ST18: variants seen among roughly 807,000 people sequenced by gnomAD.
The protein encoded by ST18 is suppression of tumorigenicity 18 protein.
A neutral mutation model predicts 110.0 loss-of-function variants in ST18; 50 were observed. The ratio of observed to expected loss-of-function variants is 0.45; its 90% confidence interval spans 0.36 to 0.58. The LOEUF (loss-of-function observed/expected upper bound fraction) is 0.58, where lower values mean the gene tolerates loss of function less well. Ranked by LOEUF, ST18 falls within the 20% of genes least tolerant of loss-of-function variation. The probability of loss-of-function intolerance (pLI) is 0.00; values close to 1 mark genes in which losing one functional copy is unlikely to be tolerated. For synonymous variants in ST18, 461 were observed against 452.4 expected (o/e 1.02, Z -0.24); for missense variants, 1,306 against 1,280.1 (o/e 1.02, Z -0.31).
chr8:52,402,534 G>A (rs748600957), intron 2 of ST18, among the ~76,000 whole-genome samples: 3 of 152,148 alleles, frequency 2.0e-5, no homozygotes, highest in Non-Finnish European at 2.9e-5. Flanking sequence ...TGTTCTAGAC[G>A]CTCAGTCCCC....
In ST18 at chr8:52,295,228, G is replaced by A. The variant is rs199625933; in HGVS notation, c.-464-65151C>T. 5.3e-5 allele frequency among the ~76,000 whole-genome samples: 8 copies of A among 152,308 alleles called. No homozygotes were observed. In the East Asian group the frequency reaches 1.5e-3, roughly 29 times the overall value. On this transcript the variant is annotated intron_variant, in intron 2 of 25. Transcript: ENST00000689386. ...GACTTAGATTGGAAATCAAAGATTG[G>A]TTGTATACAGGTAATAGAGTGCTTG...
intron 2 of ST18, among the ~76,000 whole-genome samples, chr8:52,252,744 T>C (rs2094375677): frequency 6.6e-6 from 1 of 152,042 alleles, no homozygotes; most frequent in South Asian, 2.1e-4. Context: ...GAGAAATCTA[T>C]ATTAATCTAA....
At chr8:52,248,703 T>G (rs1406402273) in intron 2 of ST18, among the ~76,000 whole-genome samples, 1 of 152,166 alleles carries the variant, frequency 6.6e-6, no homozygotes, top group Non-Finnish European at 1.5e-5. Flanking sequence ...AGCTTTGATT[T>G]TTTCCCAAGT....
intron 2 of ST18, among the ~76,000 whole-genome samples, chr8:52,385,161 A>G (rs915659485): frequency 6.6e-6 from 1 of 152,202 alleles, no homozygotes; most frequent in Non-Finnish European, 1.5e-5. Context: ...TGAACTAGAA[A>G]TACAGAATGT....
chr8:52,285,541 A>T, intron 2 of ST18, among the ~76,000 whole-genome samples: 1 of 152,204 alleles, frequency 6.6e-6, no homozygotes, highest in South Asian at 2.1e-4. Flanking sequence ...TGTTGTGTGG[A>T]GAGCAAAAGG....
chr8:52,402,058 A>C (rs1292877398), intron 2 of ST18, among the ~76,000 whole-genome samples: 1 of 152,158 alleles, frequency 6.6e-6, no homozygotes, highest in Non-Finnish European at 1.5e-5. Context: ...GCTGTGATTA[A>C]TATCAGCAAT....
intron 2 of ST18, among the ~76,000 whole-genome samples, chr8:52,316,667 C>T (rs16917664): frequency 0.14 from 21,483 of 152,178 alleles, 1,844 homozygotes; most frequent in African/African-American, 0.25. Context: ...TTTCCTAAGT[C>T]ACTATCACCT....
chr8:52,142,611 C>T (rs143001157), intron 17 of ST18, among the ~76,000 whole-genome samples: 1 of 152,266 alleles, frequency 6.6e-6, no homozygotes, highest in African/African-American at 2.4e-5. Context: ...GCCCAAATAA[C>T]AATTTGCATC....
At chr8:52,163,529 T>G (rs1202179187) in intron 13 of ST18, among the ~76,000 whole-genome samples, 1 of 152,136 alleles carries the variant, frequency 6.6e-6, no homozygotes. Context: ...ATGGAATGAA[T>G]TTTTGTTTTA....
In ST18 at chr8:52,409,339, G is replaced by C. The variant is rs945675679; in HGVS notation, c.-476C>G. The stretch of plus-strand genomic sequence containing the variant: ...ATATTTTTTCTTACCTTTACCTGGC[G>C]AACGTCTACAGGTGTGTCGAAAGTT... On this transcript the variant is annotated 5_prime_UTR_variant, in exon 2 of 26. Transcript: ENST00000689386. 1.3e-5 allele frequency: 2 copies of C among 152,200 alleles called. No individual in the cohort carries two copies. Among genetic ancestry groups the C allele is most frequent in the East Asian group, 3.8e-4 (2 of 5,204 alleles). The allele number at this position is 152,200 out of a possible 1,614,324, so 9.4% of individuals were successfully genotyped here.
intron 2 of ST18, among the ~76,000 whole-genome samples, chr8:52,372,967 G>C (rs1363115844): frequency 6.6e-6 from 1 of 152,150 alleles, no homozygotes; most frequent in Non-Finnish European, 1.5e-5. Flanking sequence ...TTAAAACACC[G>C]TGAAAAGTTT....
At chr8:52,355,860 C>A (rs1264439319) in intron 2 of ST18, among the ~76,000 whole-genome samples, 1 of 152,182 alleles carries the variant, frequency 6.6e-6, no homozygotes, top group African/African-American at 2.4e-5. Context: ...ACAAATGGAA[C>A]AGGGCTTGCC....
In ST18 at chr8:52,180,150, G is replaced by A. The variant is rs1429653928; in HGVS notation, c.249C>T (p.Pro83=). 4 of 1,613,960 alleles carry A rather than the reference G, an allele frequency of 2.5e-6. No homozygotes were observed. Among genetic ancestry groups the A allele is most frequent in the Non-Finnish European group, 3.4e-6 (4 of 1,180,018 alleles). ...DRSDRTEDDG[P]LETHGHSTAE... is the part of the protein sequence containing the mutation. The stretch of plus-strand genomic sequence containing the variant: ...CGGTAGAGTGACCATGTGTTTCCAA[G>A]GGGCCATCGTCCTCTGTCCTGTCAC... The change falls in exon 9 of 26, where the codon CCC becomes CCT. Residue 83 remains proline, a synonymous_variant. Coordinates refer to ENST00000689386, the MANE Select transcript of ST18 (RefSeq NM_001352837.2).
intron 8 of ST18, among the ~76,000 whole-genome samples, chr8:52,195,761 A>C (rs2075996127): frequency 1.3e-5 from 2 of 152,320 alleles, no homozygotes; most frequent in Admixed American, 6.5e-5. Flanking sequence ...ATTGAGTTTA[A>C]AGTGCCTCAA....
intron 2 of ST18, among the ~76,000 whole-genome samples, chr8:52,231,928 T>A (rs1456396598): frequency 6.6e-6 from 1 of 152,200 alleles, no homozygotes; most frequent in Non-Finnish European, 1.5e-5. Context: ...CTGGAGGTCT[T>A]GTGAAAGCCC....
Position 52,126,101 on chromosome 8 carries a change from C to T in ST18, c.2706G>A (p.Lys902=), listed in dbSNP as rs769719154. Residue 902 remains lysine (K), a synonymous_variant, in exon 23 of 26, where the codon AAG becomes AAA. Coordinates refer to ENST00000689386, the MANE Select transcript of ST18 (RefSeq NM_001352837.2). ...TCATGAGTTCTTCAGAAACCTTGCC[C>T]TTTTTGATAACTTGTGCATTGAGAG... is the stretch of plus-strand genomic sequence containing the variant. The part of the protein sequence containing the change: ...GCPLNAQVIK[K]GKVSEELMTI... 2.5e-6 allele frequency: 4 copies of T among 1,614,090 alleles called. No homozygotes were observed. In the East Asian group the frequency reaches 8.9e-5, roughly 36 times the overall value.
intron 8 of ST18, among the ~76,000 whole-genome samples, chr8:52,187,119 G>C (rs1237676183): frequency 6.6e-6 from 1 of 152,140 alleles, no homozygotes; most frequent in Non-Finnish European, 1.5e-5. Context: ...AAATTTCTTT[G>C]ATTACCGAAA....
chr8:52,331,855 A>C (rs1450722938), intron 2 of ST18, among the ~76,000 whole-genome samples: 1 of 152,146 alleles, frequency 6.6e-6, no homozygotes, highest in Non-Finnish European at 1.5e-5. Context: ...AAATCTTCCC[A>C]TTTAGCAAGC....
intron 2 of ST18, among the ~76,000 whole-genome samples, chr8:52,335,791 G>T (rs1447072006): frequency 6.6e-6 from 1 of 152,040 alleles, no homozygotes; most frequent in Non-Finnish European, 1.5e-5. Flanking sequence ...CCTCCTGATT[G>T]GATATCCTCT....
Sources: allele counts gnomAD v4.1 joint callset (sites outside exome capture counted in the v4.1 genomes callset), GRCh38; gene constraint gnomAD v4.1.1; transcripts MANE v1.5; gene names NCBI Gene and HGNC (gene_info 2026-07-23, HGNC 2026-07-21).